The following VAPB variants were observed in gnomAD, a reference collection of about 807,000 sequenced individuals.
The protein encoded by VAPB is vesicle-associated membrane protein-associated protein B/C.
Under a neutral mutation model 25.6 loss-of-function variants are expected in VAPB, and 7 were observed. The observed-to-expected ratio is 0.27, with a 90% CI of 0.16 to 0.51. The LOEUF (loss-of-function observed/expected upper bound fraction) is 0.51, where lower values mean the gene tolerates loss of function less well. Among genes scored for constraint, VAPB ranks in the 20% least tolerant of loss-of-function variants. The probability of loss-of-function intolerance (pLI) is 0.97; values close to 1 mark genes in which losing one functional copy is unlikely to be tolerated. For synonymous variants in VAPB, 112 were observed against 109.2 expected (o/e 1.03, Z -0.16); for missense variants, 266 against 301.3 (o/e 0.88, Z 0.87).
At chr20:58,443,360 G>C (rs1989201719) in intron 5 of VAPB, among the ~76,000 whole-genome samples, 1 of 147,782 alleles carries the variant, frequency 6.8e-6, no homozygotes, top group African/African-American at 2.5e-5. Context: ...TATCTACAGA[G>C]CTCTGCATTT....
chr20:58,414,980 C>T (rs62205704), intron 1 of VAPB, among the ~76,000 whole-genome samples: 6,497 of 152,304 alleles, frequency 0.043, 46 homozygotes, highest in South Asian at 0.072. Context: ...CCCGGCACGT[C>T]GGGAGGCCGA....
chr20:58,444,504 C>A lies in VAPB; in HGVS notation c.*269C>A. 1.7e-6 allele frequency: 1 copy of A among 589,338 alleles called. No individual in the cohort carries two copies. The highest frequency in any genetic ancestry group is 2.2e-5 in the Admixed American group (1 of 46,294). 36.5% of individuals were successfully genotyped at this position (589,338 alleles called of 1,614,324 possible). ...TGACAAGGGAAACCATGAGTAATGC[C>A]ACAATGGCATATTGTAAATGTCATT... On this transcript the variant is annotated 3_prime_UTR_variant, in exon 6 of 6. Transcript: ENST00000475243.
chr20:58,441,166 A>T, intron 5 of VAPB, 83 bp downstream of exon 5: 1 of 1,441,348 alleles, frequency 6.9e-7, no homozygotes, highest in Non-Finnish European at 9.6e-7. Context: ...TGAGCCAGTG[A>T]ATATATAGAT....
At chr20:58,423,067 C>T (rs2123066615) in intron 2 of VAPB, among the ~76,000 whole-genome samples, 1 of 152,208 alleles carries the variant, frequency 6.6e-6, no homozygotes, top group Non-Finnish European at 1.5e-5. Flanking sequence ...ACATACAGCC[C>T]TTTTCAGCAC....
intron 1 of VAPB, among the ~76,000 whole-genome samples, chr20:58,399,320 A>G (rs1486168436): frequency 6.6e-6 from 1 of 151,740 alleles, no homozygotes; most frequent in Admixed American, 6.6e-5. Flanking sequence ...AAAGAGAGAA[A>G]AAGAAAGAAA....
chr20:58,426,539 G>A (rs921207870), intron 2 of VAPB, among the ~76,000 whole-genome samples: 2 of 152,176 alleles, frequency 1.3e-5, no homozygotes, highest in Admixed American at 1.3e-4. Flanking sequence ...ATGATGTGTG[G>A]CCTGAGTGAT....
intron 1 of VAPB, among the ~76,000 whole-genome samples, chr20:58,395,203 G>A (rs553559741): frequency 6.1e-5 from 9 of 148,374 alleles, no homozygotes; most frequent in African/African-American, 2.3e-4. Flanking sequence ...CCAGGCTGGA[G>A]TGCAATGGCA....
chr20:58,436,648 G>GT (rs1222490629), intron 3 of VAPB, among the ~76,000 whole-genome samples: 1 of 152,004 alleles, frequency 6.6e-6, no homozygotes, highest in Non-Finnish European at 1.5e-5. Context: ...ATTTTAAAAT[G>GT]TTTTTCTTTT....
intron 2 of VAPB, among the ~76,000 whole-genome samples, chr20:58,433,062 G>T (rs1426190748): frequency 6.6e-6 from 1 of 152,214 alleles, no homozygotes; most frequent in Non-Finnish European, 1.5e-5. Context: ...GACTTTCTCT[G>T]TTCCCATGGT....
intron 1 of VAPB, among the ~76,000 whole-genome samples, chr20:58,405,169 T>C (rs1277499079): frequency 6.6e-6 from 1 of 152,228 alleles, no homozygotes; most frequent in Non-Finnish European, 1.5e-5. Context: ...GAAGGTCATT[T>C]ACCTGAGGAG....
At chr20:58,423,414 CAAAAAAAAAAAAAAAAAA>C (rs59133081) in intron 2 of VAPB, among the ~76,000 whole-genome samples, 87 of 34,778 alleles carry the variant, frequency 2.5e-3, no homozygotes, top group East Asian at 4.8e-3. Context: ...CTCCATCTCA[CAAAAAAAAAAAAAAAAAA>C]AAAAAAAAAA....
At chr20:58,393,134 AG>A (rs1286754414) in intron 1 of VAPB, among the ~76,000 whole-genome samples, 12 of 152,292 alleles carry the variant, frequency 7.9e-5, no homozygotes, top group Admixed American at 7.2e-4. Context: ...CCTGGGCTCA[AG>A]AGATCCTCCT....
At chr20:58,391,358 G>C (rs1268719642) in intron 1 of VAPB, among the ~76,000 whole-genome samples, 3 of 152,050 alleles carry the variant, frequency 2.0e-5, no homozygotes, top group African/African-American at 7.2e-5. Context: ...AGTCCAGAGT[G>C]CTCCAGGAGC....
At chr20:58,396,302 G>T (rs1987957532) in intron 1 of VAPB, among the ~76,000 whole-genome samples, 1 of 152,144 alleles carries the variant, frequency 6.6e-6, no homozygotes, top group Non-Finnish European at 1.5e-5. Context: ...CTCGTGTTGT[G>T]TAGGGCACAT....
chr20:58,391,776 G>A (rs561978218), intron 1 of VAPB, among the ~76,000 whole-genome samples: 5 of 152,214 alleles, frequency 3.3e-5, no homozygotes, highest in African/African-American at 7.2e-5. Flanking sequence ...CAAGTGATCC[G>A]CCCTCCTTGG....
intron 3 of VAPB, among the ~76,000 whole-genome samples, chr20:58,437,838 G>A (rs1404517637): frequency 6.6e-6 from 1 of 152,188 alleles, no homozygotes; most frequent in Non-Finnish European, 1.5e-5. Context: ...CCTAGGGTCA[G>A]ATGTATAGAT....
chr20:58,432,317 T>C (rs1568716162), intron 2 of VAPB: 1 of 152,234 alleles, frequency 6.6e-6, no homozygotes, highest in Non-Finnish European at 1.5e-5. Context: ...GCATCAGGGA[T>C]CTTTACAAAT....
intron 1 of VAPB, among the ~76,000 whole-genome samples, chr20:58,414,586 G>T (rs1988485887): frequency 6.6e-6 from 1 of 151,716 alleles, no homozygotes; most frequent in African/African-American, 2.4e-5. Context: ...CATCCCAGAC[G>T]GGGCGGCGGG....
At chr20:58,414,205 C>T (rs1357361025) in intron 1 of VAPB, among the ~76,000 whole-genome samples, 7 of 105,434 alleles carry the variant, frequency 6.6e-5, no homozygotes, top group African/African-American at 1.8e-4. Context: ...CCTGACGGGG[C>T]GGCTGGCCGG....
Sources: allele counts gnomAD v4.1 joint callset (sites outside exome capture counted in the v4.1 genomes callset), GRCh38; gene constraint gnomAD v4.1.1; transcripts MANE v1.5; gene names NCBI Gene and HGNC (gene_info 2026-07-23, HGNC 2026-07-21).